Variants in KCNK9 observed in about 807,000 individuals in gnomAD.
The protein encoded by KCNK9 is potassium two pore domain channel subfamily K member 9.
In KCNK9, 1 loss-of-function variant was observed where a neutral mutation model predicts 10.8. The ratio of observed to expected loss-of-function variants is 0.09; its 90% CI spans 0.03 to 0.44. KCNK9 has a LOEUF of 0.44. Among genes scored for constraint, KCNK9 ranks in the 20% least tolerant of loss-of-function variants. KCNK9 has a pLI of 0.97. For synonymous variants in KCNK9, 231 were observed against 222.7 expected, an observed-to-expected ratio of 1.04 and a Z score of -0.33; for missense variants, 303 against 515.0, an observed-to-expected ratio of 0.59 and a Z score of 3.98.
intron 1 of KCNK9, among the ~76,000 whole-genome samples, chr8:139,633,060 T>C (rs1357921822): frequency 6.6e-6 from 1 of 152,090 alleles, no homozygotes; most frequent in Non-Finnish European, 1.5e-5. Context: ...AGTGGGGCGA[T>C]CTGGCAGGGT....
chr8:139,607,825 G>C (rs1023499733), downstream of KCNK9, among the ~76,000 whole-genome samples: 9 of 152,162 alleles, frequency 5.9e-5, no homozygotes, highest in African/African-American at 2.2e-4. Context: ...TGACCACACT[G>C]TCACTTCATC....
At chr8:139,685,943 T>C (rs569816063) in intron 1 of KCNK9, among the ~76,000 whole-genome samples, 1 of 152,332 alleles carries the variant, frequency 6.6e-6, no homozygotes, top group Non-Finnish European at 1.5e-5. Context: ...CTCCAGCATC[T>C]GTTGTTTCCT....
chr8:139,663,079 C>G (rs527256690), intron 1 of KCNK9, among the ~76,000 whole-genome samples: 19 of 152,212 alleles, frequency 1.2e-4, no homozygotes, highest in African/African-American at 4.1e-4. Context: ...CTCCCAGACA[C>G]AACACACTCC....
intron 1 of KCNK9, among the ~76,000 whole-genome samples, chr8:139,700,579 T>C (rs1817194688): frequency 1.3e-5 from 2 of 151,610 alleles, no homozygotes; most frequent in Admixed American, 1.3e-4. Flanking sequence ...TTTCCCAACC[T>C]TTCTTTCCAG....
At chr8:139,604,742 C>T (rs947878000) in intron 2 of KCNK9, among the ~76,000 whole-genome samples, 14 of 152,190 alleles carry the variant, frequency 9.2e-5, no homozygotes, top group African/African-American at 3.4e-4. Context: ...GGCTCACGCC[C>T]ATCTGTTTCC....
At chr8:139,613,642 T>A (rs117462530), downstream of KCNK9, among the ~76,000 whole-genome samples, 1,055 of 152,354 alleles carry the variant, frequency 6.9e-3, 14 homozygotes, top group Middle Eastern at 0.034. Context: ...TGCCCATAAA[T>A]CTCACCCAAG....
intron 2 of KCNK9, among the ~76,000 whole-genome samples, chr8:139,604,832 G>C (rs983865714): frequency 1.3e-5 from 2 of 152,306 alleles, no homozygotes; most frequent in Non-Finnish European, 1.5e-5. Context: ...CATGGCCTCC[G>C]AGAAAGACAG....
intron 1 of KCNK9, among the ~76,000 whole-genome samples, chr8:139,673,945 C>T (rs1226724177): frequency 6.6e-6 from 1 of 152,178 alleles, no homozygotes; most frequent in Non-Finnish European, 1.5e-5. Context: ...ACGGCAGCCC[C>T]GCCCCTGCCC....
chr8:139,695,058 C>T (rs1817019202), intron 1 of KCNK9, among the ~76,000 whole-genome samples: 1 of 152,208 alleles, frequency 6.6e-6, no homozygotes, highest in South Asian at 2.1e-4. Flanking sequence ...TGAATTTTTC[C>T]ATCAACCACC....
At chr8:139,601,863 G>GGAT (rs1252185373) in intron 2 of KCNK9, 1 of 152,220 alleles carries the variant, frequency 6.6e-6, no homozygotes, top group East Asian at 1.9e-4. Context: ...ACCCGCATGT[G>GGAT]TCAGGCACTA....
intron 1 of KCNK9, among the ~76,000 whole-genome samples, chr8:139,681,690 C>T (rs1209539284): frequency 6.6e-6 from 1 of 152,234 alleles, no homozygotes; most frequent in Non-Finnish European, 1.5e-5. Context: ...ACAAGAGTCT[C>T]TGAGGCCTCT....
intron 1 of KCNK9, among the ~76,000 whole-genome samples, chr8:139,701,811 C>G (rs1053846089): frequency 5.9e-5 from 9 of 152,210 alleles, no homozygotes; most frequent in African/African-American, 1.9e-4. Flanking sequence ...CTCCCAGCCC[C>G]CAGCCTTAGA....
chr8:139,640,124 T>G (rs933611), intron 1 of KCNK9, among the ~76,000 whole-genome samples: 152,340 of 152,340 alleles, frequency 1, 76,170 homozygotes, highest in Non-Finnish European at 1. Flanking sequence ...TGGGCCTCCG[T>G]GGCTCAGGGC....
intron 1 of KCNK9, among the ~76,000 whole-genome samples, chr8:139,638,428 T>C (rs1815400782): frequency 2.0e-5 from 3 of 152,082 alleles, no homozygotes; most frequent in Non-Finnish European, 4.4e-5. Context: ...ACGGAAGACT[T>C]GGTGGGGGAG....
At position 139,618,768 on chromosome 8, in the gene KCNK9, G is replaced by A. The variant is rs545552341; in HGVS notation, c.615C>T (p.Tyr205=). 251 of 1,614,194 alleles carry A rather than the reference G, an allele frequency of 1.6e-4. 1 individual carries two copies. The South Asian group carries it at 2.1e-3, about 14-fold the overall frequency. Residue 205 remains tyrosine (Y), a synonymous_variant, in exon 2 of 2, where the codon TAC becomes TAT. Coordinates refer to ENST00000520439, the MANE Select transcript of KCNK9 (RefSeq NM_001282534.2). This position sits in a 1 kb window ranked among gnomAD's most constrained non-coding sequence, Gnocchi z 7.9. The part of the protein sequence containing the change: ...ITLTTIGFGD[Y]VALQTKGALQ... ...GGGCACCCTTGGTCTGCAGGGCCAC[G>A]TAGTCCCCGAACCCAATGGTAGTCA...
At chr8:139,604,467 G>T (rs550009097) in intron 2 of KCNK9, among the ~76,000 whole-genome samples, 1 of 152,252 alleles carries the variant, frequency 6.6e-6, no homozygotes, top group Non-Finnish European at 1.5e-5. Flanking sequence ...GCAGGTGGGG[G>T]TGCCACGCGG....
chr8:139,676,519 T>C (rs1217390216), intron 1 of KCNK9, among the ~76,000 whole-genome samples: 1 of 152,252 alleles, frequency 6.6e-6, no homozygotes, highest in Non-Finnish European at 1.5e-5. Context: ...AAGTTTGTCC[T>C]CAAAGGGCCT....
chr8:139,600,963 T>TGA (rs1333768867), downstream of KCNK9: 1 of 152,138 alleles, frequency 6.6e-6, no homozygotes, highest in Non-Finnish European at 1.5e-5. Flanking sequence ...ACGAGAAGCC[T>TGA]GAGGTTCAGC....
At chr8:139,648,674 G>C (rs1372814062) in intron 1 of KCNK9, among the ~76,000 whole-genome samples, 3 of 152,224 alleles carry the variant, frequency 2.0e-5, no homozygotes, top group Non-Finnish European at 4.4e-5. Flanking sequence ...GGATTAACCA[G>C]TAGCAAATTC....
Sources: allele counts gnomAD v4.1 joint callset (sites outside exome capture counted in the v4.1 genomes callset), GRCh38; gene constraint gnomAD v4.1.1; non-coding constraint Gnocchi (gnomAD v3.1); transcripts MANE v1.5; gene names NCBI Gene and HGNC (gene_info 2026-07-23, HGNC 2026-07-21).